MYT1L: variants seen among roughly 807,000 people sequenced by gnomAD.
MYT1L encodes myelin transcription factor 1-like protein.
A neutral mutation model predicts 126.7 loss-of-function variants in MYT1L; 12 were observed. The observed-to-expected ratio is 0.09, with a 90% CI of 0.06 to 0.15. The LOEUF (loss-of-function observed/expected upper bound fraction) is 0.15, where lower values mean the gene tolerates loss of function less well. MYT1L is among the 10% of genes least tolerant of loss of function. The pLI, the probability that MYT1L is intolerant of heterozygous loss-of-function variation, is 1.00. For missense variants in MYT1L, 979 were observed against 1,585.2 expected (o/e 0.62, Z 6.49); for synonymous variants, 541 against 604.2 (o/e 0.90, Z 1.53).
intron 8 of MYT1L, among the ~76,000 whole-genome samples, chr2:1,949,274 C>G (rs934429555): frequency 6.6e-6 from 1 of 152,152 alleles, no homozygotes; most frequent in African/African-American, 2.4e-5. Context: ...AAAAGGCAAA[C>G]GCATGCTGGA....
rs2070139103 is a variant in MYT1L at position 2,059,707 on chromosome 2, C to T, written c.-303-5584G>A. On this transcript the variant is annotated intron_variant, in intron 3 of 24. Coordinates refer to ENST00000647738, the MANE Select transcript of MYT1L (RefSeq NM_001303052.2). This position sits in a 1 kb window ranked among gnomAD's most constrained non-coding sequence, Gnocchi z 4.7. ...TCGTAGGCTCTTCACCTTTCAGAAT[C>T]ATCGCAGTTAAAAAAAGAAAGAATA... 6.6e-6 allele frequency among the ~76,000 whole-genome samples: 1 copy of T among 152,148 alleles called. No individual in the cohort carries two copies. The highest frequency in any genetic ancestry group is 2.1e-4 in the South Asian group (1 of 4,830).
At chr2:2,039,493 G>A (rs184952929) in intron 4 of MYT1L, among the ~76,000 whole-genome samples, 59 of 152,214 alleles carry the variant, frequency 3.9e-4, no homozygotes, top group African/African-American at 1.4e-3. Context: ...CAGAACCTCC[G>A]TTTCCTGACT....
At chr2:2,266,433 CT>C (rs2095131791) in intron 2 of MYT1L, among the ~76,000 whole-genome samples, 1 of 152,006 alleles carries the variant, frequency 6.6e-6, no homozygotes, top group Admixed American at 6.5e-5. Context: ...CCCAAAAGGG[CT>C]TTTCTGGATT....
intron 2 of MYT1L, among the ~76,000 whole-genome samples, chr2:2,255,302 T>A (rs1449851621): frequency 6.6e-6 from 1 of 152,138 alleles, no homozygotes; most frequent in African/African-American, 2.4e-5. Flanking sequence ...TCATTACCCT[T>A]CCATCTATGT....
intron 2 of MYT1L, among the ~76,000 whole-genome samples, chr2:2,254,568 A>G (rs1478113438): frequency 1.3e-5 from 2 of 152,228 alleles, no homozygotes; most frequent in Admixed American, 6.5e-5. Flanking sequence ...AGATTCAGAC[A>G]TGTATGTTTC....
chr2:2,022,196 G>A (rs901521442), intron 4 of MYT1L, among the ~76,000 whole-genome samples: 2 of 152,134 alleles, frequency 1.3e-5, no homozygotes, highest in Non-Finnish European at 2.9e-5. Context: ...CACATCTACT[G>A]AGGCTATGCA....
chr2:2,013,576 G>A (rs944613751), intron 4 of MYT1L, among the ~76,000 whole-genome samples: 4 of 152,358 alleles, frequency 2.6e-5, no homozygotes, highest in Admixed American at 6.5e-5. Flanking sequence ...TCAGAATTCC[G>A]CTTCTGGCTA....
chr2:2,150,811 A>C (rs1419443394), intron 3 of MYT1L, among the ~76,000 whole-genome samples: 1 of 148,830 alleles, frequency 6.7e-6, no homozygotes, highest in Non-Finnish European at 1.5e-5. Context: ...GAAAAGAGAA[A>C]GAGAGGGAGT....
At chr2:2,272,032 T>C (rs554795546) in intron 2 of MYT1L, among the ~76,000 whole-genome samples, 2 of 152,348 alleles carry the variant, frequency 1.3e-5, no homozygotes, top group Admixed American at 6.5e-5. Context: ...CTCTGCATCC[T>C]GGCGAGGCCT....
chr2:1,988,557 C>T (rs574912732), intron 5 of MYT1L, among the ~76,000 whole-genome samples: 9 of 152,332 alleles, frequency 5.9e-5, no homozygotes, highest in South Asian at 2.1e-4. Flanking sequence ...ATGTGCATGA[C>T]GGGGTGACAG....
chr2:2,281,798 T>A (rs2095450482), intron 2 of MYT1L, among the ~76,000 whole-genome samples: 1 of 152,194 alleles, frequency 6.6e-6, no homozygotes, highest in Non-Finnish European at 1.5e-5. Flanking sequence ...AACAGGTGCC[T>A]ATTATAAAAC....
At chr2:2,010,962 G>A (rs756990981) in intron 4 of MYT1L, among the ~76,000 whole-genome samples, 18 of 152,218 alleles carry the variant, frequency 1.2e-4, no homozygotes, top group Middle Eastern at 6.8e-3. Flanking sequence ...TGCAAACAGG[G>A]GTACTCATTT....
At chr2:1,988,260 A>G (rs1041068896) in intron 5 of MYT1L, among the ~76,000 whole-genome samples, 2 of 152,148 alleles carry the variant, frequency 1.3e-5, no homozygotes, top group African/African-American at 2.4e-5. Context: ...GATGTGCCAC[A>G]TTCCCGCCTG....
At position 1,851,655 on chromosome 2, in the gene MYT1L, A is replaced by G; in HGVS notation, c.2760T>C (p.Tyr920=). The G allele has an allele frequency of 6.2e-7, 1 of 1,613,920 alleles. No individual in the cohort carries two copies. The highest frequency in any genetic ancestry group is 1.1e-5 in the South Asian group (1 of 91,088). ...CDGSGHITGN[Y]ASHRSLSGCP... Reference sequence around the variant, plus strand: ...TCTCTACATACCTCCGATGAGAAGCATAATTGCCGGTGATATGTCCAGAAC... The same window carrying G: ...TCTCTACATACCTCCGATGAGAAGCGTAATTGCCGGTGATATGTCCAGAAC... The change falls in exon 19 of 25, where the codon TAT becomes TAC. Residue 920 remains tyrosine, a synonymous_variant. Coordinates refer to ENST00000647738, the MANE Select transcript of MYT1L (RefSeq NM_001303052.2).
intron 3 of MYT1L, among the ~76,000 whole-genome samples, chr2:2,124,223 C>T (rs1378443581): frequency 6.6e-6 from 1 of 152,172 alleles, no homozygotes; most frequent in Non-Finnish European, 1.5e-5. Flanking sequence ...TGATGTGTGT[C>T]TTACACACAA....
At position 1,917,141 on chromosome 2, in the gene MYT1L, G is replaced by T; in HGVS notation, c.1618+64C>A. The T allele has an allele frequency of 6.4e-7, 1 of 1,560,370 alleles. No individual in the cohort carries two copies. The highest frequency in any genetic ancestry group is 8.8e-7 in the Non-Finnish European group (1 of 1,142,612). On this transcript the variant is annotated intron_variant, in intron 11 of 24. Transcript: ENST00000647738. This position sits in a 1 kb window ranked among gnomAD's most constrained non-coding sequence, Gnocchi z 5.9. The stretch of plus-strand genomic sequence containing the variant: ...CAATGGAGATGATGTCAGGTAAGAG[G>T]GATGACAGAGACAGAGTCATGGGTG...
intron 18 of MYT1L, among the ~76,000 whole-genome samples, chr2:1,864,895 A>T (rs777340000): frequency 5.3e-5 from 8 of 152,134 alleles, no homozygotes; most frequent in Non-Finnish European, 1.2e-4. Context: ...GCCTGTTCCA[A>T]GTGTCTTTCC....
Position 2,224,759 on chromosome 2 carries a change from C to G in MYT1L, c.-420-51771G>C, listed in dbSNP as rs939155733. Among the ~76,000 whole-genome samples, 1 of 151,634 alleles carries G rather than the reference C, an allele frequency of 6.6e-6. No individual in the cohort carries two copies. The highest frequency in any genetic ancestry group is 2.0e-4 in the East Asian group (1 of 5,114). ...ACATGAACCCGGGAGGCGGAGCTTG[C>G]AGGGAGCTGAGATTGAGCCACTGCA... is the stretch of plus-strand genomic sequence containing the variant. On this transcript the variant is annotated intron_variant, in intron 2 of 24. Coordinates refer to ENST00000647738, the MANE Select transcript of MYT1L (RefSeq NM_001303052.2). This position sits in a 1 kb window ranked among gnomAD's most constrained non-coding sequence, Gnocchi z 4.0.
chr2:2,243,050 C>T (rs2094468249), intron 2 of MYT1L, among the ~76,000 whole-genome samples: 1 of 152,058 alleles, frequency 6.6e-6, no homozygotes, highest in African/African-American at 2.4e-5. Flanking sequence ...TATCTGTTGA[C>T]CAAGGGGCAA....
Sources: allele counts gnomAD v4.1 joint callset (sites outside exome capture counted in the v4.1 genomes callset), GRCh38; gene constraint gnomAD v4.1.1; non-coding constraint Gnocchi (gnomAD v3.1); transcripts MANE v1.5; gene names NCBI Gene and HGNC (gene_info 2026-07-23, HGNC 2026-07-21).